The following KCTD8 variants were observed in gnomAD, a reference collection of about 807,000 sequenced individuals.
The protein encoded by KCTD8 is BTB/POZ domain-containing protein KCTD8.
KCTD8 carries 27 observed loss-of-function variants against 31.5 expected under a neutral mutation model. The observed-to-expected ratio is 0.86, with a 90% CI of 0.63 to 1.18. The LOEUF is 1.18. KCTD8 is among the 50% of genes most tolerant of loss of function. The probability of loss-of-function intolerance (pLI) is 0.00; values close to 1 mark genes in which losing one functional copy is unlikely to be tolerated. For missense variants in KCTD8, 658 were observed against 647.7 expected (o/e 1.02, Z -0.17); for synonymous variants, 290 against 280.0 (o/e 1.04, Z -0.36).
rs560364578 is a variant in KCTD8 at position 44,361,411 on chromosome 4, G to A, written c.961+86152C>T. ...CACTCAATAATACAATGGAGCCTTCGGTGTTGAGATGGATTTGGGTCAGAA... is the reference window on the plus strand; with the variant it reads ...CACTCAATAATACAATGGAGCCTTCAGTGTTGAGATGGATTTGGGTCAGAA... On this transcript the variant is annotated intron_variant, in intron 1 of 1. Coordinates refer to ENST00000360029, the MANE Select transcript of KCTD8 (RefSeq NM_198353.3). Among the ~76,000 whole-genome samples, 7 of 152,004 alleles carry A rather than the reference G, an allele frequency of 4.6e-5. No individual in the cohort carries two copies. In the East Asian group the frequency reaches 7.7e-4, roughly 17 times the overall value.
chr4:44,397,796 A>G (rs1394387727), intron 1 of KCTD8, among the ~76,000 whole-genome samples: 4 of 152,162 alleles, frequency 2.6e-5, no homozygotes, highest in Non-Finnish European at 5.9e-5. Context: ...ACACTGGCAA[A>G]TGTTCTTAAT....
At chr4:44,288,314 A>G (rs1717164016) in intron 1 of KCTD8, among the ~76,000 whole-genome samples, 1 of 152,160 alleles carries the variant, frequency 6.6e-6, no homozygotes, top group Non-Finnish European at 1.5e-5. Flanking sequence ...ATTGACAACT[A>G]TGCAAGAGAT....
chr4:44,385,011 T>G (rs1334201501), intron 1 of KCTD8, among the ~76,000 whole-genome samples: 5 of 151,228 alleles, frequency 3.3e-5, no homozygotes, highest in Non-Finnish European at 5.9e-5. Context: ...TATATAGGAA[T>G]AAGCTTAACC....
At chr4:44,261,247 G>A (rs1019903922) in intron 1 of KCTD8, among the ~76,000 whole-genome samples, 2 of 151,932 alleles carry the variant, frequency 1.3e-5, no homozygotes, top group Non-Finnish European at 2.9e-5. Context: ...AAAATGAAGT[G>A]TTTGGCCTTG....
chr4:44,404,025 T>G (rs1013411132), intron 1 of KCTD8, among the ~76,000 whole-genome samples: 10 of 152,282 alleles, frequency 6.6e-5, no homozygotes, highest in African/African-American at 2.4e-4. Flanking sequence ...AGCCCTCTGA[T>G]AGTACGTCAG....
At position 44,175,116 on chromosome 4, in the gene KCTD8, C is replaced by T. The variant is rs759831332; in HGVS notation, c.1096G>A (p.Ala366Thr). 8 of 1,613,978 alleles carry T rather than the reference C, an allele frequency of 5.0e-6. No individual in the cohort carries two copies. The highest frequency in any genetic ancestry group is 6.8e-6 in the Non-Finnish European group (8 of 1,179,956). The change falls in exon 2 of 2, where the codon GCA becomes ACA. Residue 366 changes from alanine (A) to threonine (T), a missense_variant. Coordinates refer to ENST00000360029, the MANE Select transcript of KCTD8 (RefSeq NM_198353.3). ...STSSCDSHSE[A>T]STPQDNPSSA... ...GATGGGTTGTCCTGGGGAGTGCTTG[C>T]CTCTGAATGGCTGTCACAACTGGAA...
chr4:44,263,792 G>T (rs1716251794), intron 1 of KCTD8, among the ~76,000 whole-genome samples: 1 of 152,148 alleles, frequency 6.6e-6, no homozygotes. Context: ...TCATCAACAT[G>T]CTTCCAACAT....
rs752917520 is a variant in KCTD8, at chr4:44,448,122, G to A, written c.402C>T (p.Ala134=). ...CCAAGTCGGTGAGCTGGAAATACTC[G>A]GCCTCGCGCAGCAGCCGCTCCTTCT... ...FPEKERLLRE[A]EYFQLTDLVK... Residue 134 remains alanine, a synonymous_variant, in exon 1 of 2, where the codon GCC becomes GCT. Coordinates refer to ENST00000360029, the MANE Select transcript of KCTD8 (RefSeq NM_198353.3). This position sits in a 1 kb window ranked among gnomAD's most constrained non-coding sequence, Gnocchi z 4.1. The A allele has an allele frequency of 1.2e-6, 2 of 1,612,656 alleles. No homozygotes were observed. The highest frequency in any genetic ancestry group is 2.7e-5 in the African/African-American group (2 of 75,008).
intron 1 of KCTD8, among the ~76,000 whole-genome samples, chr4:44,189,378 ATATC>A (rs1713692019): frequency 6.7e-6 from 1 of 148,502 alleles, no homozygotes; most frequent in South Asian, 2.1e-4. Flanking sequence ...AACAATTATC[ATATC>A]TAGTCAAAGT....
chr4:44,200,567 T>C (rs1004231748), intron 1 of KCTD8, among the ~76,000 whole-genome samples: 1 of 152,022 alleles, frequency 6.6e-6, no homozygotes, highest in Admixed American at 6.6e-5. Context: ...AGTATGATCA[T>C]CCCAATAGAT....
Position 44,448,002 on chromosome 4 carries a change from G to A in KCTD8, c.522C>T (p.Ser174=), listed in dbSNP as rs756481171. The A allele has an allele frequency of 8.9e-6, 14 of 1,577,644 alleles. No homozygotes were observed. Among genetic ancestry groups the A allele is most frequent in the Admixed American group, 1.8e-5 (1 of 55,296 alleles). The part of the protein sequence containing the change: ...DLEDNVSQGS[S]DALLLRGAAA... ...CCGCCCCGCGCAGCAGCAGCGCGTC[G>A]CTGCTACCCTGCGAGACGTTGTCCT... is the stretch of plus-strand genomic sequence containing the variant. The change falls in exon 1 of 2, where the codon AGC becomes AGT. Residue 174 remains serine (S), a synonymous_variant. Coordinates refer to ENST00000360029, the MANE Select transcript of KCTD8 (RefSeq NM_198353.3). The surrounding 1 kb of genome is among the most constrained non-coding windows in gnomAD (Gnocchi z 4.1).
chr4:44,306,404 A>G (rs1717806941), intron 1 of KCTD8, among the ~76,000 whole-genome samples: 1 of 152,052 alleles, frequency 6.6e-6, no homozygotes. Context: ...ATATTAAAAT[A>G]TATGTCTCTC....
intron 1 of KCTD8, among the ~76,000 whole-genome samples, chr4:44,380,293 G>A (rs924003211): frequency 4.6e-5 from 7 of 151,228 alleles, no homozygotes; most frequent in African/African-American, 1.5e-4. Context: ...CTACTTTCAG[G>A]TCACTTCTAC....
chr4:44,405,300 C>T (rs1720765427), intron 1 of KCTD8, among the ~76,000 whole-genome samples: 1 of 152,044 alleles, frequency 6.6e-6, no homozygotes, highest in Non-Finnish European at 1.5e-5. Context: ...GCTCTGTCGC[C>T]AGGCTGGAGT....
chr4:44,180,582 T>TGCACACACACACAC (rs200270284), intron 1 of KCTD8, among the ~76,000 whole-genome samples: 7 of 145,284 alleles, frequency 4.8e-5, no homozygotes, highest in African/African-American at 1.8e-4. Flanking sequence ...TCAGTATACA[T>TGCACACACACACAC]ACATGCACAC....
intron 1 of KCTD8, among the ~76,000 whole-genome samples, chr4:44,275,067 G>A (rs774095914): frequency 4.6e-5 from 7 of 152,008 alleles, no homozygotes; most frequent in East Asian, 3.9e-4. Context: ...AAAATAAAAC[G>A]TCTACATATG....
chr4:44,429,441 G>A (rs1403750336), intron 1 of KCTD8, among the ~76,000 whole-genome samples: 1 of 151,728 alleles, frequency 6.6e-6, no homozygotes, highest in African/African-American at 2.4e-5. Context: ...CTGGATTTAA[G>A]GGCATAGATA....
intron 1 of KCTD8, among the ~76,000 whole-genome samples, chr4:44,358,595 G>C (rs1000506117): frequency 4.7e-5 from 7 of 150,242 alleles, no homozygotes. Flanking sequence ...TTGAGATGGA[G>C]TCTCTCTCTG....
intron 1 of KCTD8, among the ~76,000 whole-genome samples, chr4:44,318,569 G>A (rs1718206061): frequency 6.6e-6 from 1 of 152,146 alleles, no homozygotes; most frequent in South Asian, 2.1e-4. Flanking sequence ...GTAGAAAAGT[G>A]GCTCTAGATA....
Sources: allele counts gnomAD v4.1 joint callset (sites outside exome capture counted in the v4.1 genomes callset), GRCh38; gene constraint gnomAD v4.1.1; non-coding constraint Gnocchi (gnomAD v3.1); transcripts MANE v1.5; gene names NCBI Gene and HGNC (gene_info 2026-07-23, HGNC 2026-07-21).